The following RICTOR variants were observed in gnomAD, a reference collection of about 807,000 sequenced individuals.
RICTOR encodes the protein RPTOR independent companion of MTOR complex 2.
In RICTOR, 49 loss-of-function variants were observed where a neutral mutation model predicts 214.9. The ratio of observed to expected loss-of-function variants is 0.23; its 90% CI spans 0.18 to 0.29. The LOEUF (loss-of-function observed/expected upper bound fraction) is 0.29, where lower values mean the gene tolerates loss of function less well. RICTOR is among the 10% of genes least tolerant of loss of function. The pLI is 1.00. For missense variants in RICTOR, 1,625 were observed against 2,047.0 expected (o/e 0.79, Z 3.98); for synonymous variants, 717 against 711.3 (o/e 1.01, Z -0.13).
At chr5:39,010,483 C>CA (rs1754421820) in intron 3 of RICTOR, among the ~76,000 whole-genome samples, 1 of 152,056 alleles carries the variant, frequency 6.6e-6, no homozygotes, top group Non-Finnish European at 1.5e-5. Flanking sequence ...AACTGGGTAA[C>CA]AGGCAGAGGC....
chr5:39,031,880 T>C (rs1031912465), intron 2 of RICTOR, among the ~76,000 whole-genome samples: 5 of 152,210 alleles, frequency 3.3e-5, no homozygotes, highest in Admixed American at 3.3e-4. Context: ...AGCATTACTT[T>C]TGCAAAAGCC....
At chr5:39,006,239 C>G (rs1056026363) in intron 3 of RICTOR, among the ~76,000 whole-genome samples, 1 of 152,176 alleles carries the variant, frequency 6.6e-6, no homozygotes, top group South Asian at 2.1e-4. Flanking sequence ...TATTGTTGCC[C>G]GAGCAGCTTC....
chr5:39,018,446 T>C (rs1755137406), intron 3 of RICTOR, among the ~76,000 whole-genome samples: 1 of 152,200 alleles, frequency 6.6e-6, no homozygotes, highest in Admixed American at 6.5e-5. Context: ...TGAAGGTTTG[T>C]GGCAAACCTG....
intron 2 of RICTOR, among the ~76,000 whole-genome samples, chr5:39,031,073 CT>C (rs1180815152): frequency 6.6e-6 from 1 of 152,158 alleles, no homozygotes; most frequent in African/African-American, 2.4e-5. Context: ...GTTTTTCACA[CT>C]CATGAGCTCC....
chr5:38,988,837 C>T (rs1391541876), intron 7 of RICTOR, among the ~76,000 whole-genome samples: 1 of 152,134 alleles, frequency 6.6e-6, no homozygotes, highest in African/African-American at 2.4e-5. Flanking sequence ...AGGAGAACTA[C>T]AAACCACTGC....
At chr5:38,969,290 A>C (rs1750527615) in intron 11 of RICTOR, among the ~76,000 whole-genome samples, 1 of 152,058 alleles carries the variant, frequency 6.6e-6, no homozygotes, top group African/African-American at 2.4e-5. Context: ...TGTTTTTAAC[A>C]AAAAAGTTTA....
chr5:39,013,202 C>G (rs190387828), intron 3 of RICTOR, among the ~76,000 whole-genome samples: 1 of 152,100 alleles, frequency 6.6e-6, no homozygotes, highest in African/African-American at 2.4e-5. Context: ...GTTAAACTTT[C>G]AGTATCTTAA....
intron 2 of RICTOR, among the ~76,000 whole-genome samples, chr5:39,047,147 T>C (rs1259168207): frequency 2.6e-5 from 4 of 152,200 alleles, no homozygotes; most frequent in Non-Finnish European, 5.9e-5. Context: ...CACATCCAAG[T>C]AGTCATCAAG....
At chr5:39,065,126 C>T (rs1197430782) in intron 2 of RICTOR, among the ~76,000 whole-genome samples, 1 of 152,182 alleles carries the variant, frequency 6.6e-6, no homozygotes, top group Non-Finnish European at 1.5e-5. Flanking sequence ...GTTTAATTGG[C>T]TATCATTTCT....
chr5:38,943,167 T>A (rs200280401), intron 36 of RICTOR, 196 bp from the exon 37 acceptor site: 5,397 of 415,378 alleles, frequency 0.013, 233 homozygotes, highest in African/African-American at 0.095. Flanking sequence ...GGTTTTTTTT[T>A]AAAAAAAATG....
At position 38,953,014 on chromosome 5, in the gene RICTOR, T is replaced by A; in HGVS notation, c.2868A>T (p.Ala956=). 1.2e-6 allele frequency: 2 copies of A among 1,609,368 alleles called. No individual in the cohort carries two copies. The highest frequency in any genetic ancestry group is 1.7e-6 in the Non-Finnish European group (2 of 1,176,558). ...TGATGGAAAGAACTTCACACTGTTT[T>A]GCAAGTTTTAGTATATCTGGAATCA... ...ENVIPDILKL[A]KQCEVLSIRG... is the part of the protein sequence containing the mutation. Residue 956 remains alanine (A), a synonymous_variant, in exon 29 of 38, where the codon GCA becomes GCT. Transcript: ENST00000357387.
intron 2 of RICTOR, among the ~76,000 whole-genome samples, chr5:39,024,982 A>T (rs1024824979): frequency 6.6e-6 from 1 of 152,242 alleles, no homozygotes; most frequent in African/African-American, 2.4e-5. Context: ...TAATGTATCT[A>T]ACATAGAAGT....
rs752759747 is a variant in RICTOR, at chr5:38,953,544, T to C, written c.2707A>G (p.Thr903Ala). Residue 903 changes from threonine to alanine, a missense_variant, in exon 28 of 38, where the codon ACA (threonine) becomes GCA (alanine). Physicochemically the swap from Thr to Ala is moderately conservative, Grantham distance 58 (BLOSUM62 0). Coordinates refer to ENST00000357387, the MANE Select transcript of RICTOR (RefSeq NM_152756.5). ...GTACGAACATTACGACAGAGTTCTG[T>C]AATAATATTCTGGAGAAAGAAAAAA... ...CHLLEVQNII[T>A]ELCRNVRTPD... is the part of the protein sequence containing the mutation. 2 of 1,311,194 alleles carry C rather than the reference T, an allele frequency of 1.5e-6. No homozygotes were observed. The highest frequency in any genetic ancestry group is 3.5e-5 in the African/African-American group (2 of 57,458). The allele number at this position is 1,311,194 out of a possible 1,614,324, so 81.2% of individuals were successfully genotyped here.
chr5:38,950,098 T>C lies in RICTOR; in HGVS notation c.3750A>G (p.Thr1250=). Residue 1250 remains threonine (T), a synonymous_variant, in exon 31 of 38, where the codon ACA becomes ACG. Coordinates refer to ENST00000357387, the MANE Select transcript of RICTOR (RefSeq NM_152756.5). ...TVGVDATTMD[T]DCGSMSTVVS... ...CCACAGTACTCATGCTTCCACAGTC[T>C]GTGTCCATAGTTGTAGCATCTACAC... 6.2e-7 allele frequency: 1 copy of C among 1,613,040 alleles called. No homozygotes were observed. The highest frequency in any genetic ancestry group is 8.5e-7 in the Non-Finnish European group (1 of 1,179,582).
chr5:38,970,023 T>G (rs925540821), intron 11 of RICTOR: 5 of 152,194 alleles, frequency 3.3e-5, no homozygotes, highest in African/African-American at 1.2e-4. Flanking sequence ...TTTAGATGTT[T>G]AGATACACGA....
At chr5:38,957,847 C>G (rs545157382) in intron 24 of RICTOR, 117 bp from the exon 25 acceptor site, 4 of 547,700 alleles carry the variant, frequency 7.3e-6, no homozygotes, top group African/African-American at 2.0e-5. Context: ...AGGAATAGTT[C>G]GTTCCTAAAA....
chr5:39,017,753 T>C (rs1429284043), intron 3 of RICTOR, among the ~76,000 whole-genome samples: 1 of 152,150 alleles, frequency 6.6e-6, no homozygotes. Context: ...TCCCCTTCTA[T>C]TTCTATGAAA....
intron 17 of RICTOR, 120 bp downstream of exon 17, chr5:38,962,756 C>A: frequency 1.1e-6 from 1 of 898,748 alleles, no homozygotes; most frequent in Non-Finnish European, 1.7e-6. Flanking sequence ...ACTCAGAAGC[C>A]ATCTGAAAAT....
chr5:38,946,627 C>A (rs1260990710), intron 32 of RICTOR, 75 bp from the exon 33 acceptor site: 2 of 885,568 alleles, frequency 2.3e-6, no homozygotes, highest in Non-Finnish European at 1.9e-6. Flanking sequence ...CAAAATTAAA[C>A]AAAATAAAAT....
Sources: gnomAD v4.1 joint callset for allele counts (sites outside exome capture counted in the v4.1 genomes callset) on GRCh38, gnomAD v4.1.1 for gene constraint, MANE v1.5 for transcripts, NCBI Gene and HGNC (gene_info 2026-07-23, HGNC 2026-07-21) for gene names.